Variants in NADK2 observed in about 807,000 individuals in gnomAD.
The protein encoded by NADK2 is NAD kinase domain-containing protein 1, mitochondrial.
Under a neutral mutation model 62.1 loss-of-function variants are expected in NADK2, and 35 were observed. That is an observed-to-expected ratio of 0.56 (90% CI 0.43 to 0.75). The LOEUF is 0.75. NADK2 is among the 30% of genes least tolerant of loss of function. The pLI is 0.00. For missense variants in NADK2, 439 were observed against 561.3 expected (o/e 0.78, Z 2.20); for synonymous variants, 205 against 207.9 (o/e 0.99, Z 0.12).
At position 36,241,917 on chromosome 5, in the gene NADK2, G is replaced by A; in HGVS notation, c.-119C>T. ...CTAACTTCGCGCCGGACGGGCAGAGGTTAAGTGCCAGGACGTGCGTGGCCC... is the reference window on the plus strand; with the variant it reads ...CTAACTTCGCGCCGGACGGGCAGAGATTAAGTGCCAGGACGTGCGTGGCCC... On this transcript the variant is annotated 5_prime_UTR_variant, in exon 1 of 12. Transcript: ENST00000381937. This position sits in a 1 kb window ranked among gnomAD's most constrained non-coding sequence, Gnocchi z 4.9. 1.2e-6 allele frequency: 1 copy of A among 869,296 alleles called. No homozygotes were observed. The highest frequency in any genetic ancestry group is 1.4e-6 in the Non-Finnish European group (1 of 702,366). The allele number at this position is 869,296 out of a possible 1,614,324, so 53.8% of individuals were successfully genotyped here. A position where few individuals can be genotyped will look rare whatever the true frequency, so the allele number is the denominator to read the frequency against.
chr5:36,227,577 CA>C lies in NADK2; in HGVS notation c.301-13del. On this transcript the variant is annotated splice_polypyrimidine_tract_variant and intron_variant, in intron 1 of 11. Coordinates refer to ENST00000381937, the MANE Select transcript of NADK2 (RefSeq NM_001085411.3). ...CCTTTCAATGCAAGCTATATCAAAACAAAAGAAACGTTGTTTTACTAATATA... is the reference window on the plus strand; with the variant it reads ...CCTTTCAATGCAAGCTATATCAAAACAAAGAAACGTTGTTTTACTAATATA... 6.8e-7 allele frequency: 1 copy of C among 1,469,806 alleles called. No individual in the cohort carries two copies. Among genetic ancestry groups the C allele is most frequent in the South Asian group, 1.4e-5 (1 of 71,910 alleles). 91.0% of individuals were successfully genotyped at this position (1,469,806 alleles called of 1,614,324 possible).
At position 36,241,922 on chromosome 5, in the gene NADK2, G is replaced by T; in HGVS notation, c.-124C>A. On this transcript the variant is annotated 5_prime_UTR_variant, in exon 1 of 12. Transcript: ENST00000381937. This position sits in a 1 kb window ranked among gnomAD's most constrained non-coding sequence, Gnocchi z 4.9. ...TTCGCGCCGGACGGGCAGAGGTTAA[G>T]TGCCAGGACGTGCGTGGCCCACGCG... 1 of 795,454 alleles carries T rather than the reference G, an allele frequency of 1.3e-6. No homozygotes were observed. Among genetic ancestry groups the T allele is most frequent in the Non-Finnish European group, 1.6e-6 (1 of 634,290 alleles). 49.3% of individuals were successfully genotyped at this position (795,454 alleles called of 1,614,324 possible).
intron 11 of NADK2, 68 bp downstream of exon 11, chr5:36,197,473 C>A (rs372001597): frequency 1.3e-6 from 2 of 1,592,896 alleles, no homozygotes; most frequent in South Asian, 1.1e-5. Flanking sequence ...AAATAGTTTT[C>A]AAACCAAGTG....
chr5:36,235,752 T>C (rs934547833), intron 1 of NADK2, among the ~76,000 whole-genome samples: 1 of 152,096 alleles, frequency 6.6e-6, no homozygotes, highest in Non-Finnish European at 1.5e-5. Context: ...CTGTTCTTTA[T>C]CAGGACCTAA....
chr5:36,237,061 C>G (rs143327453), intron 1 of NADK2, among the ~76,000 whole-genome samples: 2 of 152,210 alleles, frequency 1.3e-5, no homozygotes, highest in African/African-American at 4.8e-5. Context: ...TCCCCTTATA[C>G]AGGGCTGGTG....
intron 6 of NADK2, among the ~76,000 whole-genome samples, chr5:36,214,768 G>A (rs2112121020): frequency 6.6e-6 from 1 of 152,260 alleles, no homozygotes; most frequent in East Asian, 1.9e-4. Context: ...TCCAACAGAA[G>A]ACTCAGAGGC....
Position 36,241,693 on chromosome 5 carries a change from G to T in NADK2, c.106C>A (p.Arg36=), listed in dbSNP as rs910365954. The T allele has an allele frequency of 8.8e-7, 1 of 1,136,494 alleles. No individual in the cohort carries two copies. The highest frequency in any genetic ancestry group is 1.7e-5 in the African/African-American group (1 of 60,568). The allele number at this position is 1,136,494 out of a possible 1,614,324, so 70.4% of individuals were successfully genotyped here. A position where few individuals can be genotyped will look rare whatever the true frequency, so the allele number is the denominator to read the frequency against. The change falls in exon 1 of 12, where the codon CGG becomes AGG. Residue 36 remains arginine, a synonymous_variant. Transcript: ENST00000381937. The surrounding 1 kb of genome is among the most constrained non-coding windows in gnomAD (Gnocchi z 4.9). ...CGGCCGCCACCGTCACCGCCCAGCC[G>T]GGGCCGCGCGGCGGGGCCTCCCGCA... The part of the protein sequence containing the change: ...PGAGGPAARP[R]LGGDGGGRRH...
intron 1 of NADK2, among the ~76,000 whole-genome samples, chr5:36,237,130 T>C (rs1235647435): frequency 2.0e-5 from 3 of 152,204 alleles, no homozygotes; most frequent in Non-Finnish European, 4.4e-5. Context: ...GTTAAAACTT[T>C]ATATGCACAA....
In NADK2 at chr5:36,218,768, G is replaced by A. The variant is rs567513802; in HGVS notation, c.644+828C>T. ...ATGGTCTGACCACTGAACACATTAA[G>A]TAAAAGAAACTTTTAAAAATCCCAT... On this transcript the variant is annotated intron_variant, in intron 5 of 11. Coordinates refer to ENST00000381937, the MANE Select transcript of NADK2 (RefSeq NM_001085411.3). Among the ~76,000 whole-genome samples the A allele has an allele frequency of 9.3e-4, 142 of 152,158 alleles. 4 individuals carry two copies. The South Asian group carries it at 0.029, about 31-fold the overall frequency.
intron 5 of NADK2, 109 bp downstream of exon 5, chr5:36,219,487 A>C: frequency 1.1e-6 from 1 of 911,478 alleles, no homozygotes. Context: ...CTGGGATTAC[A>C]GGCGTGAGAT....
At chr5:36,202,383 T>C (rs956809103) in intron 8 of NADK2, among the ~76,000 whole-genome samples, 96 of 152,188 alleles carry the variant, frequency 6.3e-4, no homozygotes, top group African/African-American at 2.2e-3. Context: ...AAGAAACTAA[T>C]TGAAACATAT....
At chr5:36,225,721 C>A in intron 3 of NADK2, 98 bp from the exon 4 acceptor site, 2 of 996,684 alleles carry the variant, frequency 2.0e-6, no homozygotes, top group Non-Finnish European at 3.1e-6. Flanking sequence ...CAATCATACC[C>A]CACCCTGCTA....
At chr5:36,201,799 T>C (rs935639937) in intron 8 of NADK2, among the ~76,000 whole-genome samples, 11 of 152,016 alleles carry the variant, frequency 7.2e-5, no homozygotes, top group African/African-American at 2.2e-4. Context: ...AATTATAAAA[T>C]AGTTTCCTTG....
At chr5:36,207,145 A>G (rs1241966667) in intron 8 of NADK2, 25 bp downstream of exon 8, 1 of 1,572,596 alleles carries the variant, frequency 6.4e-7, no homozygotes, top group Admixed American at 1.7e-5. Flanking sequence ...ACAAAACTTG[A>G]TAAGCAACAT....
At chr5:36,242,013 C>G (rs1476394515), upstream of NADK2, 1 of 257,610 alleles carries the variant, frequency 3.9e-6, no homozygotes, top group Non-Finnish European at 7.1e-6. Context: ...AACGGGAGAC[C>G]CCACGCGGGA....
At chr5:36,199,196 T>C (rs967823654) in intron 10 of NADK2, among the ~76,000 whole-genome samples, 1 of 151,810 alleles carries the variant, frequency 6.6e-6, no homozygotes, top group African/African-American at 2.4e-5. Flanking sequence ...AAACTTAAAG[T>C]ATAATAATAA....
At chr5:36,196,190 C>T (rs1306217776) in intron 11 of NADK2, among the ~76,000 whole-genome samples, 1 of 152,010 alleles carries the variant, frequency 6.6e-6, no homozygotes, top group Non-Finnish European at 1.5e-5. Flanking sequence ...ATTGGATCAC[C>T]GTGTATGCTA....
intron 1 of NADK2, among the ~76,000 whole-genome samples, chr5:36,239,411 T>A (rs953662987): frequency 1.3e-5 from 2 of 152,136 alleles, no homozygotes; most frequent in African/African-American, 2.4e-5. Context: ...CCAATAAAAC[T>A]GTAATGACAA....
intron 1 of NADK2, among the ~76,000 whole-genome samples, chr5:36,230,005 C>T (rs1747646771): frequency 6.6e-6 from 1 of 151,768 alleles, no homozygotes; most frequent in African/African-American, 2.4e-5. Flanking sequence ...CCCTCTACCA[C>T]TCATGATCTC....
Sources: gnomAD v4.1 joint callset for allele counts (sites outside exome capture counted in the v4.1 genomes callset) on GRCh38, gnomAD v4.1.1 for gene constraint, Gnocchi (gnomAD v3.1) non-coding constraint, MANE v1.5 for transcripts, NCBI Gene and HGNC (gene_info 2026-07-23, HGNC 2026-07-21) for gene names.